Variants in KMT2A observed in about 807,000 individuals in gnomAD.
KMT2A encodes the protein histone-lysine N-methyltransferase 2A.
In KMT2A, 16 loss-of-function variants were observed where a neutral mutation model predicts 345.3. The observed-to-expected ratio is 0.05, with a 90% CI of 0.03 to 0.07. KMT2A has a LOEUF of 0.07. KMT2A is among the 10% of genes least tolerant of loss of function. The pLI is 1.00. For missense variants in KMT2A, 3,272 were observed against 4,841.6 expected, an observed-to-expected ratio of 0.68 and a Z score of 9.62; for synonymous variants, 1,599 against 1,778.6, an observed-to-expected ratio of 0.90 and a Z score of 2.54.
At chr11:118,506,792 C>A in intron 27 of KMT2A, 146 bp downstream of exon 27, 1 of 785,660 alleles carries the variant, frequency 1.3e-6, no homozygotes, top group Non-Finnish European at 2.0e-6. Context: ...TTTTTTCTCT[C>A]TGAGTGGTGA....
intron 2 of KMT2A, among the ~76,000 whole-genome samples, chr11:118,470,637 C>T (rs1025984318): frequency 2.0e-5 from 3 of 152,102 alleles, no homozygotes; most frequent in Non-Finnish European, 2.9e-5. Flanking sequence ...TTAGAAAGCT[C>T]AACAATAAAA....
chr11:118,476,228 C>G lies in KMT2A; in HGVS notation c.3157-577C>G, dbSNP rs77546552. Among the ~76,000 whole-genome samples, 1 of 152,292 alleles carries G rather than the reference C, an allele frequency of 6.6e-6. No individual in the cohort carries two copies. Among genetic ancestry groups the G allele is most frequent in the East Asian group, 1.9e-4 (1 of 5,186 alleles). On this transcript the variant is annotated intron_variant, in intron 3 of 35. Coordinates refer to ENST00000534358, the MANE Select transcript of KMT2A (RefSeq NM_001197104.2). This position sits in a 1 kb window ranked among gnomAD's most constrained non-coding sequence, Gnocchi z 4.1. ...CTTTCATTTATAAGTTATTTCACCC[C>G]TACTTCTCTGATGATCAAGGAAATA...
In KMT2A at chr11:118,505,016, G is replaced by A. The variant is rs782014564; in HGVS notation, c.9124G>A (p.Val3042Ile). 6.2e-7 allele frequency: 1 copy of A among 1,614,092 alleles called. No homozygotes were observed. The highest frequency in any genetic ancestry group is 1.7e-5 in the Admixed American group (1 of 60,006). ...CCTTCAGGTACCTGTTTCCCCAACT[G>A]TTCCCATCCAGAACCAGAAGTATGT... ...PGLQVPVSPT[V>I]PIQNQKYVPN... The change falls in exon 27 of 36, where the codon GTT becomes ATT. Residue 3042 changes from valine (V) to isoleucine (I), a missense_variant. Val to Ile is a conservative substitution (Grantham distance 29). Coordinates refer to ENST00000534358, the MANE Select transcript of KMT2A (RefSeq NM_001197104.2). The surrounding 1 kb of genome is among the most constrained non-coding windows in gnomAD (Gnocchi z 4.6).
rs1176532182 is a variant in KMT2A, at chr11:118,523,225, T to C, written c.*1053T>C. 5 of 229,060 alleles carry C rather than the reference T, an allele frequency of 2.2e-5. No individual in the cohort carries two copies. Among genetic ancestry groups the C allele is most frequent in the African/African-American group, 8.9e-5 (4 of 45,108 alleles). 14.2% of individuals were successfully genotyped at this position (229,060 alleles called of 1,614,324 possible). On this transcript the variant is annotated 3_prime_UTR_variant, in exon 36 of 36. Coordinates refer to ENST00000534358, the MANE Select transcript of KMT2A (RefSeq NM_001197104.2). ...CAGCCAGGATGACCCTTGGGTCCCA[T>C]TCCTAAGACATGGTTACTTTATTTT...
At position 118,498,257 on chromosome 11, in the gene KMT2A, T is replaced by C. The variant is rs910601539; in HGVS notation, c.5803-113T>C. ...ATTTTATCTGTTTTCAATTTATCAATAGATAAAATGAATTGTAGGAACTGT... is the reference window on the plus strand; with the variant it reads ...ATTTTATCTGTTTTCAATTTATCAACAGATAAAATGAATTGTAGGAACTGT... On this transcript the variant is annotated intron_variant, in intron 21 of 35. Transcript: ENST00000534358. The surrounding 1 kb of genome is among the most constrained non-coding windows in gnomAD (Gnocchi z 4.4). The C allele has an allele frequency of 1.7e-5, 20 of 1,195,740 alleles. No homozygotes were observed. The African/African-American group carries it at 2.9e-4, about 17-fold the overall frequency. 74.1% of individuals were successfully genotyped at this position (1,195,740 alleles called of 1,614,324 possible). A position where few individuals can be genotyped will look rare whatever the true frequency, so the allele number is the denominator to read the frequency against.
In KMT2A at chr11:118,472,766, G is replaced by C. The variant is rs1565279116; in HGVS notation, c.1607G>C (p.Arg536Thr). Residue 536 changes from arginine to threonine, a missense_variant, in exon 3 of 36, where the codon AGA becomes ACA. This residue lies in a region of KMT2A where 180 missense variants were observed against 190.7 expected (regional missense o/e 0.94). Coordinates refer to ENST00000534358, the MANE Select transcript of KMT2A (RefSeq NM_001197104.2). Reference protein sequence around the residue: ...RRSRRYSVSERSFGSRTTKKL... With the variant: ...RRSRRYSVSETSFGSRTTKKL... ...AGCAGAAGGTATTCAGTGTCGGAGA[G>C]AAGTTTTGGATCTAGAACGACGAAA... The C allele has an allele frequency of 1.2e-6, 2 of 1,613,626 alleles. No homozygotes were observed. Among genetic ancestry groups the C allele is most frequent in the Non-Finnish European group, 8.5e-7 (1 of 1,179,978 alleles).
chr11:118,464,822 G>A (rs901405910), intron 1 of KMT2A, among the ~76,000 whole-genome samples: 21 of 152,204 alleles, frequency 1.4e-4, no homozygotes, highest in Admixed American at 1.3e-3. Flanking sequence ...AAAGGTCATG[G>A]CAACAGTTTT....
Position 118,506,551 on chromosome 11 carries a change from G to T in KMT2A, c.10659G>T (p.Gly3553=). ...TKRFQLPLDK[G]NGKKHKVSHL... ...GGTTTCAGCTGCCTCTAGACAAAGG[G>T]AATGGCAAGAAGCACAAAGTTTCCC... The change falls in exon 27 of 36, where the codon GGG becomes GGT. Residue 3553 remains glycine (G), a synonymous_variant. Transcript: ENST00000534358. The T allele has an allele frequency of 6.2e-7, 1 of 1,614,166 alleles. No individual in the cohort carries two copies. Among genetic ancestry groups the T allele is most frequent in the African/African-American group, 1.3e-5 (1 of 75,044 alleles).
At position 118,482,020 on chromosome 11, in the gene KMT2A, C is replaced by A; in HGVS notation, c.3940C>A (p.Pro1314Thr). ...CCCGCCTCAGCCACCTACTACAGGA[C>A]CGCCAAGAAAAGAAGTTCCCAAAAC... ...VIPPQPPTTG[P>T]PRKEVPKTTP... is the part of the protein sequence containing the mutation. The change falls in exon 7 of 36, where the codon CCG (proline) becomes ACG (threonine). Residue 1314 changes from proline to threonine, a missense_variant. Coordinates refer to ENST00000534358, the MANE Select transcript of KMT2A (RefSeq NM_001197104.2). The A allele has an allele frequency of 3.1e-6, 5 of 1,614,102 alleles. No individual in the cohort carries two copies. Among genetic ancestry groups the A allele is most frequent in the Non-Finnish European group, 4.2e-6 (5 of 1,179,986 alleles).
intron 1 of KMT2A, chr11:118,447,694 G>A: frequency 2.2e-6 from 1 of 450,794 alleles, no homozygotes; most frequent in Non-Finnish European, 4.4e-6. Context: ...ATGATTATAT[G>A]ATTGGAAGTC....
At chr11:118,438,504 G>A (rs373199348) in intron 1 of KMT2A, among the ~76,000 whole-genome samples, 1 of 148,318 alleles carries the variant, frequency 6.7e-6, no homozygotes, top group African/African-American at 2.5e-5. Flanking sequence ...TGAAGCGAAG[G>A]GGGGTAGGGG....
chr11:118,488,751 G>C lies in KMT2A; in HGVS notation c.4470G>C (p.Gln1490His). 2 of 1,614,076 alleles carry C rather than the reference G, an allele frequency of 1.2e-6. No homozygotes were observed. The highest frequency in any genetic ancestry group is 1.7e-6 in the Non-Finnish European group (2 of 1,180,008). Residue 1490 changes from glutamine to histidine, a missense_variant, in exon 11 of 36, where the codon CAG (glutamine) becomes CAC (histidine). Coordinates refer to ENST00000534358, the MANE Select transcript of KMT2A (RefSeq NM_001197104.2). ...KFCHVCGRQH[Q>H]ATKQLLECNK... is the part of the protein sequence containing the mutation. The stretch of plus-strand genomic sequence containing the variant: ...GTCACGTTTGTGGAAGGCAACATCA[G>C]GCTACAAAGGTACAAAACTTGGTAA...
chr11:118,495,355 A>G lies in KMT2A; in HGVS notation c.5364-345A>G, dbSNP rs9332820. On this transcript the variant is annotated intron_variant, in intron 18 of 35. Coordinates refer to ENST00000534358, the MANE Select transcript of KMT2A (RefSeq NM_001197104.2). The surrounding 1 kb of genome is among the most constrained non-coding windows in gnomAD (Gnocchi z 4.1). ...TGTATTTTAATAGAGACTGGGTTTC[A>G]CCATTTTGGCCAGGATGGTCTTGAT... Among the ~76,000 whole-genome samples the G allele has an allele frequency of 7.2e-3, 1,094 of 151,760 alleles. 16 individuals are homozygous for G. The highest frequency in any genetic ancestry group is 0.024 in the African/African-American group (1,000 of 41,370).
chr11:118,503,616 A>G lies in KMT2A; in HGVS notation c.7724A>G (p.Gln2575Arg), dbSNP rs149529128. The G allele has an allele frequency of 3.7e-6, 6 of 1,614,090 alleles. No individual in the cohort carries two copies. Among genetic ancestry groups the G allele is most frequent in the Non-Finnish European group, 5.1e-6 (6 of 1,180,032 alleles). The change falls in exon 27 of 36, where the codon CAA becomes CGA. Residue 2575 changes from glutamine to arginine, a missense_variant. Gln to Arg is a conservative substitution (Grantham distance 43). Coordinates refer to ENST00000534358, the MANE Select transcript of KMT2A (RefSeq NM_001197104.2). This position sits in a 1 kb window ranked among gnomAD's most constrained non-coding sequence, Gnocchi z 5.3. ...SENPGDGPVA[Q>R]PSPNNTSCQD... The stretch of plus-strand genomic sequence containing the variant: ...AATCCAGGAGATGGTCCAGTGGCCC[A>G]ACCAAGCCCCAATAATACCTCATGC...
intron 31 of KMT2A, among the ~76,000 whole-genome samples, chr11:118,514,050 G>C (rs1184345820): frequency 2.7e-5 from 4 of 150,384 alleles, no homozygotes; most frequent in African/African-American, 9.8e-5. Flanking sequence ...CATATCCCTT[G>C]TTATTCTCTC....
At chr11:118,458,194 C>G (rs782023315) in intron 1 of KMT2A, 75 of 364,100 alleles carry the variant, frequency 2.1e-4, no homozygotes, top group Admixed American at 1.9e-4. Context: ...AGTGATTCTC[C>G]CACCTCAACC....
rs1555041597 is a variant in KMT2A at position 118,488,664 on chromosome 11, G to C, written c.4383G>C (p.Glu1461Asp). 10 of 1,614,152 alleles carry C rather than the reference G, an allele frequency of 6.2e-6. 1 individual carries two copies. In the South Asian group the frequency reaches 1.1e-4, roughly 18 times the overall value. Residue 1461 changes from glutamate (E) to aspartate (D), a missense_variant, in exon 11 of 36, where the codon GAG becomes GAC. Coordinates refer to ENST00000534358, the MANE Select transcript of KMT2A (RefSeq NM_001197104.2). ...AGCCCTTCCACAAGTTTTGTTTAGA[G>C]GAGAACGAGCGCCCTCTGGAGGACC... is the stretch of plus-strand genomic sequence containing the variant. ...CCEPFHKFCL[E>D]ENERPLEDQL... is the part of the protein sequence containing the mutation.
chr11:118,515,678 T>C (rs939195806), intron 31 of KMT2A, among the ~76,000 whole-genome samples: 11 of 131,686 alleles, frequency 8.4e-5, no homozygotes, highest in East Asian at 8.2e-4. Flanking sequence ...TTTCTTTTTC[T>C]GTCCTTTTTT....
intron 29 of KMT2A, among the ~76,000 whole-genome samples, chr11:118,509,700 G>A (rs1186936178): frequency 6.6e-6 from 1 of 151,858 alleles, no homozygotes; most frequent in Admixed American, 6.6e-5. Context: ...CTATCAGATC[G>A]TCATACTAGA....
Sources: allele counts gnomAD v4.1 joint callset (sites outside exome capture counted in the v4.1 genomes callset), GRCh38; gene constraint gnomAD v4.1.1; regional missense constraint gnomAD v4.1.1; non-coding constraint Gnocchi (gnomAD v3.1); transcripts MANE v1.5; gene names NCBI Gene and HGNC (gene_info 2026-07-23, HGNC 2026-07-21).